STRN3: variants seen among roughly 807,000 people sequenced by gnomAD.
STRN3 encodes striatin 3.
STRN3 carries 29 observed loss-of-function variants against 95.6 expected under a neutral mutation model. The observed-to-expected ratio is 0.30, with a 90% CI of 0.23 to 0.41. The LOEUF (loss-of-function observed/expected upper bound fraction) is 0.41, where lower values mean the gene tolerates loss of function less well. Ranked by LOEUF, STRN3 falls within the 10% of genes least tolerant of loss-of-function variation. The pLI is 1.00. For missense variants in STRN3, 890 were observed against 972.1 expected (o/e 0.92, Z 1.12); for synonymous variants, 331 against 357.6 (o/e 0.93, Z 0.84).
At chr14:30,999,682 A>G (rs1205681531) in intron 1 of STRN3, among the ~76,000 whole-genome samples, 4 of 152,220 alleles carry the variant, frequency 2.6e-5, no homozygotes, top group African/African-American at 9.6e-5. Flanking sequence ...AACCTGTGGG[A>G]CACCATTAAG....
intron 1 of STRN3, among the ~76,000 whole-genome samples, chr14:31,016,613 G>A (rs1048886386): frequency 5.3e-5 from 8 of 151,952 alleles, no homozygotes; most frequent in African/African-American, 1.9e-4. Flanking sequence ...GCGCGATCTC[G>A]ACTCACTACA....
rs55893038 is a variant in STRN3, at chr14:31,013,779, C to CGG, written c.282+12123_282+12124dup. Among the ~76,000 whole-genome samples the CGG allele has an allele frequency of 3.1e-3, 454 of 147,944 alleles. 3 individuals are homozygous for CGG. The highest frequency in any genetic ancestry group is 9.5e-3 in the African/African-American group (380 of 39,960). ...CTAAATTTTTTCTTTTCTGTAGAAA[C>CGG]GGGGGGGGTCTCACTATGTTGCCCA... On this transcript the variant is annotated intron_variant, in intron 1 of 17. Transcript: ENST00000357479.
intron 1 of STRN3, among the ~76,000 whole-genome samples, chr14:31,000,026 C>T (rs1882373178): frequency 6.6e-6 from 1 of 152,090 alleles, no homozygotes; most frequent in Non-Finnish European, 1.5e-5. Context: ...TGTCTATATC[C>T]AACAAAACTA....
intron 1 of STRN3, among the ~76,000 whole-genome samples, chr14:30,960,236 C>A (rs1411454643): frequency 6.6e-6 from 1 of 152,054 alleles, no homozygotes; most frequent in Non-Finnish European, 1.5e-5. Context: ...CACCTGTAGT[C>A]CCATCTATGT....
chr14:30,946,692 T>C (rs1879374426), intron 5 of STRN3, among the ~76,000 whole-genome samples: 1 of 151,846 alleles, frequency 6.6e-6, no homozygotes, highest in Admixed American at 6.6e-5. Context: ...AAATTGTTAA[T>C]AGCAGTTGGG....
chr14:30,959,719 G>C (rs992954872), intron 1 of STRN3, among the ~76,000 whole-genome samples: 1 of 151,990 alleles, frequency 6.6e-6, no homozygotes, highest in Non-Finnish European at 1.5e-5. Context: ...TACTTGGGAA[G>C]CTGGGGGGTG....
chr14:30,902,064 G>A (rs1417303061), intron 16 of STRN3, among the ~76,000 whole-genome samples: 1 of 151,176 alleles, frequency 6.6e-6, no homozygotes, highest in Non-Finnish European at 1.5e-5. Context: ...CCAGCGACTC[G>A]GGAGGCTGAG....
At chr14:30,929,412 C>T (rs1024116872) in intron 7 of STRN3, 101 bp from the exon 8 acceptor site, 1 of 886,118 alleles carries the variant, frequency 1.1e-6, no homozygotes, top group East Asian at 2.6e-5. Context: ...ATAAAATGTA[C>T]TAATAGCATA....
At chr14:30,936,075 C>T (rs1878803298) in intron 6 of STRN3, among the ~76,000 whole-genome samples, 1 of 152,172 alleles carries the variant, frequency 6.6e-6, no homozygotes, top group African/African-American at 2.4e-5. Flanking sequence ...TTATTCTTTA[C>T]TAAAATACAA....
At chr14:30,930,896 C>T (rs1878501114) in intron 7 of STRN3, among the ~76,000 whole-genome samples, 1 of 151,972 alleles carries the variant, frequency 6.6e-6, no homozygotes, top group Non-Finnish European at 1.5e-5. Flanking sequence ...CAAATTGATA[C>T]ATTATGAGCA....
chr14:30,956,984 C>T (rs949523945), intron 1 of STRN3, among the ~76,000 whole-genome samples: 2 of 151,672 alleles, frequency 1.3e-5, no homozygotes, highest in African/African-American at 4.8e-5. Context: ...CATGGTGAAA[C>T]CCCCTCTCTA....
chr14:30,944,553 GTATATA>G (rs58426505), intron 5 of STRN3, among the ~76,000 whole-genome samples: 1 of 65,874 alleles, frequency 1.5e-5, no homozygotes, highest in African/African-American at 5.0e-5. Flanking sequence ...ATATATACAC[GTATATA>G]TATATATATA....
chr14:30,998,549 A>T (rs1488887364), intron 1 of STRN3, among the ~76,000 whole-genome samples: 2 of 152,218 alleles, frequency 1.3e-5, no homozygotes, highest in Admixed American at 1.3e-4. Flanking sequence ...AGAGTTGTAA[A>T]TTCCTGGCTG....
intron 1 of STRN3, among the ~76,000 whole-genome samples, chr14:30,993,141 G>A (rs1472577849): frequency 6.6e-6 from 1 of 151,900 alleles, no homozygotes; most frequent in African/African-American, 2.4e-5. Flanking sequence ...TGTGCCTATA[G>A]TCCCAGCTAT....
intron 1 of STRN3, among the ~76,000 whole-genome samples, chr14:31,023,273 T>C (rs1159512269): frequency 2.0e-5 from 3 of 152,166 alleles, no homozygotes; most frequent in Admixed American, 2.0e-4. Flanking sequence ...ATATAAAAGT[T>C]AAGAAACCAC....
Position 30,906,871 on chromosome 14 carries a change from ACTTACTTTTATCTCCATTGTAAGTG to A in STRN3, c.1869_1888+5del. 6.3e-7 allele frequency: 1 copy of A among 1,595,678 alleles called. No homozygotes were observed. Among genetic ancestry groups the A allele is most frequent in the Non-Finnish European group, 8.5e-7 (1 of 1,173,096 alleles). On this transcript the variant is annotated splice_donor_variant and splice_donor_5th_base_variant and coding_sequence_variant and intron_variant, in exon 14 of 18. Coordinates refer to ENST00000357479, the MANE Select transcript of STRN3 (RefSeq NM_001083893.2). LOFTEE classifies it high-confidence loss of function. ...AACTTTTCTCACAGATGCAAAATTT[ACTTACTTTTATCTCCATTGTAAGTG>A]CAAATACATGGCAATTTTTCTTGTG...
At chr14:30,973,466 C>T (rs965965202) in intron 1 of STRN3, among the ~76,000 whole-genome samples, 5 of 152,150 alleles carry the variant, frequency 3.3e-5, no homozygotes, top group East Asian at 3.9e-4. Context: ...AAATTAGTAA[C>T]CACCAATTCT....
intron 10 of STRN3, among the ~76,000 whole-genome samples, chr14:30,913,198 T>C (rs1043236550): frequency 1.3e-5 from 2 of 152,208 alleles, no homozygotes; most frequent in African/African-American, 4.8e-5. Context: ...AAGGCAAATA[T>C]ATGATTCAGG....
In STRN3 at chr14:30,947,074, T is replaced by G; in HGVS notation, c.716+16A>C. On this transcript the variant is annotated intron_variant, in intron 5 of 17. Coordinates refer to ENST00000357479, the MANE Select transcript of STRN3 (RefSeq NM_001083893.2). ...ATAATATCCATTATATAAACTATGT[T>G]AAGTATAAATCATACCTTTTTATTT... 6.5e-7 allele frequency: 1 copy of G among 1,546,436 alleles called. No homozygotes were observed. The highest frequency in any genetic ancestry group is 2.3e-5 in the East Asian group (1 of 43,582).
Sources: gnomAD v4.1 joint callset for allele counts (sites outside exome capture counted in the v4.1 genomes callset) on GRCh38, gnomAD v4.1.1 for gene constraint, MANE v1.5 for transcripts, NCBI Gene and HGNC (gene_info 2026-07-23, HGNC 2026-07-21) for gene names.